AR: variants seen among roughly 807,000 people sequenced by gnomAD.
AR encodes the protein androgen receptor.
AR carries 8 observed loss-of-function variants against 53.9 expected under a neutral mutation model. That is an observed-to-expected ratio of 0.15 (90% CI 0.09 to 0.27). The LOEUF (loss-of-function observed/expected upper bound fraction) is 0.27, where lower values mean the gene tolerates loss of function less well. Among genes scored for constraint, AR ranks in the 10% least tolerant of loss-of-function variants. The probability of loss-of-function intolerance (pLI) is 1.00; values close to 1 mark genes in which losing one functional copy is unlikely to be tolerated. For synonymous variants in AR, 359 were observed against 316.4 expected (o/e 1.13, Z -1.43); for missense variants, 639 against 742.5 (o/e 0.86, Z 1.62).
chrX:67,700,871 C>T (rs2076039553), intron 3 of AR, among the ~76,000 whole-genome samples: 1 of 112,153 alleles, frequency 8.9e-6, no homozygotes, highest in African/African-American at 3.2e-5. Flanking sequence ...CAGATTATAT[C>T]TCACTGATCT....
chrX:67,661,480 T>G (rs1020149526), intron 2 of AR, among the ~76,000 whole-genome samples: 2 of 111,683 alleles, frequency 1.8e-5, no homozygotes, highest in Non-Finnish European at 3.8e-5. Context: ...ATCATGTGGT[T>G]TTTGTCGTTG....
chrX:67,661,457 A>G (rs755920789), intron 2 of AR, among the ~76,000 whole-genome samples: 3 of 111,759 alleles, frequency 2.7e-5, no homozygotes, highest in East Asian at 5.6e-4. Flanking sequence ...CCTTTTCTGC[A>G]TCTATTGAGA....
intron 3 of AR, among the ~76,000 whole-genome samples, chrX:67,701,646 C>T (rs1425251303): frequency 9.2e-6 from 1 of 109,178 alleles, no homozygotes; most frequent in Non-Finnish European, 1.9e-5. Context: ...GTAAGGCATT[C>T]ATTTCAATTC....
intron 2 of AR, among the ~76,000 whole-genome samples, chrX:67,646,875 G>A (rs192430069): frequency 2.2e-4 from 24 of 111,053 alleles, no homozygotes; most frequent in Non-Finnish European, 5.7e-5. Context: ...TTCCTAGAAG[G>A]TGACTAATCC....
chrX:67,723,520 AAC>A (rs113528927), intron 7 of AR, among the ~76,000 whole-genome samples, 164 bp from the exon 8 acceptor site: 51 of 93,129 alleles, frequency 5.5e-4, no homozygotes, highest in Non-Finnish European at 9.6e-4. Flanking sequence ...GTCTCTCTCT[AAC>A]ACACACACAC....
chrX:67,685,635 A>C (rs928295938), intron 2 of AR, among the ~76,000 whole-genome samples: 1 of 111,764 alleles, frequency 8.9e-6, no homozygotes, highest in Non-Finnish European at 1.9e-5. Flanking sequence ...ACTGAGTTCA[A>C]ATCTCTTCTA....
chrX:67,637,736 A>G (rs1374258398), intron 1 of AR, among the ~76,000 whole-genome samples: 1 of 111,425 alleles, frequency 9.0e-6, no homozygotes, highest in Non-Finnish European at 1.9e-5. Flanking sequence ...CTTTATAGCC[A>G]TTGAACAGCA....
chrX:67,695,908 G>A (rs972437809), intron 3 of AR: 4 of 751,538 alleles, frequency 5.3e-6, no homozygotes, highest in Non-Finnish European at 6.3e-6. Flanking sequence ...GACTTCAGGA[G>A]GGGAGTTTCC....
chrX:67,703,783 T>A (rs1040143604), intron 3 of AR, among the ~76,000 whole-genome samples: 2 of 111,403 alleles, frequency 1.8e-5, no homozygotes, highest in African/African-American at 6.5e-5. Context: ...CTCCTAATGC[T>A]ATCCCTCCAC....
chrX:67,711,397 A>G lies in AR; in HGVS notation c.1886-5A>G. 2 of 1,185,056 alleles carry G rather than the reference A, an allele frequency of 1.7e-6. No individual in the cohort carries two copies. Among genetic ancestry groups the G allele is most frequent in the Non-Finnish European group, 2.3e-6 (2 of 881,203 alleles). Reference sequence around the variant, plus strand: ...TAAATTCAAGTCTCTCTTCCTTCCCAATAGCCCGGAAGCTGAAGAAACTTG... The same window carrying G: ...TAAATTCAAGTCTCTCTTCCTTCCCGATAGCCCGGAAGCTGAAGAAACTTG... On this transcript the variant is annotated splice_region_variant and splice_polypyrimidine_tract_variant and intron_variant, in intron 3 of 7. Transcript: ENST00000374690.
chrX:67,702,964 G>A (rs1374702822), intron 3 of AR, among the ~76,000 whole-genome samples: 1 of 111,399 alleles, frequency 9.0e-6, no homozygotes, highest in African/African-American at 3.3e-5. Context: ...TCTGGTCCCA[G>A]CTACTTGGGA....
intron 3 of AR, among the ~76,000 whole-genome samples, chrX:67,703,044 C>T (rs2076049160): frequency 9.0e-6 from 1 of 111,089 alleles, no homozygotes; most frequent in Non-Finnish European, 1.9e-5. Flanking sequence ...TGCCACTGCT[C>T]TCCAGCTGGG....
intron 1 of AR, among the ~76,000 whole-genome samples, chrX:67,594,037 C>T (rs943564207): frequency 7.1e-5 from 8 of 112,134 alleles, no homozygotes; most frequent in Non-Finnish European, 1.3e-4. Flanking sequence ...TTCTGTCTCC[C>T]AGGCTGGAGT....
At chrX:67,559,300 C>A (rs1921196790) in intron 1 of AR, among the ~76,000 whole-genome samples, 1 of 112,085 alleles carries the variant, frequency 8.9e-6, no homozygotes, top group South Asian at 3.7e-4. Flanking sequence ...TTGTTCTGCC[C>A]TTCACCTTTT....
chrX:67,706,838 G>A (rs1030592260), intron 3 of AR, among the ~76,000 whole-genome samples: 3 of 111,793 alleles, frequency 2.7e-5, no homozygotes, highest in Non-Finnish European at 5.6e-5. Flanking sequence ...AGAGATTCTG[G>A]TATGTTGTGT....
chrX:67,568,256 C>T (rs1569271128), intron 1 of AR, among the ~76,000 whole-genome samples: 1 of 111,792 alleles, frequency 8.9e-6, no homozygotes, highest in Middle Eastern at 4.6e-3. Flanking sequence ...TCGCTAGACA[C>T]GAGTTCAAAA....
chrX:67,593,711 ATTT>A (rs1922947109), intron 1 of AR, among the ~76,000 whole-genome samples: 1 of 112,247 alleles, frequency 8.9e-6, no homozygotes, highest in South Asian at 3.7e-4. Flanking sequence ...GATCTGGACT[ATTT>A]TGTCATACAG....
At chrX:67,691,937 A>G (rs1332051349) in intron 3 of AR, among the ~76,000 whole-genome samples, 1 of 112,232 alleles carries the variant, frequency 8.9e-6, no homozygotes, top group Non-Finnish European at 1.9e-5. Context: ...GGATTGTGCT[A>G]AAGAAGTTAT....
chrX:67,681,923 A>T (rs370309367), intron 2 of AR, among the ~76,000 whole-genome samples: 1 of 112,444 alleles, frequency 8.9e-6, no homozygotes, highest in East Asian at 2.8e-4. Context: ...GAATGCAAGG[A>T]TGGTTCAACA....
Sources: gnomAD v4.1 joint callset for allele counts (sites outside exome capture counted in the v4.1 genomes callset) on GRCh38, gnomAD v4.1.1 for gene constraint, MANE v1.5 for transcripts, NCBI Gene and HGNC (gene_info 2026-07-23, HGNC 2026-07-21) for gene names.